Variants in HECW1 observed in about 807,000 individuals in gnomAD.
HECW1 encodes the protein HECT, C2 and WW domain containing E3 ubiquitin protein ligase 1.
HECW1 carries 61 observed loss-of-function variants against 182.3 expected under a neutral mutation model. That is an observed-to-expected ratio of 0.33 (90% CI 0.27 to 0.41). The LOEUF (loss-of-function observed/expected upper bound fraction) is 0.41. HECW1 is among the 10% of genes least tolerant of loss of function. The pLI is 1.00. For missense variants in HECW1, 1,739 were observed against 2,108.9 expected (o/e 0.82, Z 3.44); for synonymous variants, 859 against 832.6 (o/e 1.03, Z -0.55).
At chr7:43,257,563 A>T (rs1800708259) in intron 3 of HECW1, among the ~76,000 whole-genome samples, 4 of 152,142 alleles carry the variant, frequency 2.6e-5, no homozygotes, top group Non-Finnish European at 5.9e-5. Flanking sequence ...AGAGGAGGTG[A>T]AAAACCAAAA....
chr7:43,476,199 A>G (rs544359571), intron 16 of HECW1, among the ~76,000 whole-genome samples: 1 of 152,316 alleles, frequency 6.6e-6, no homozygotes, highest in Non-Finnish European at 1.5e-5. Flanking sequence ...CAAAAAGTAA[A>G]TACACAAATA....
intron 3 of HECW1, among the ~76,000 whole-genome samples, chr7:43,282,685 C>CA (rs1216578685): frequency 6.6e-6 from 1 of 152,122 alleles, no homozygotes; most frequent in Non-Finnish European, 1.5e-5. Flanking sequence ...TGATTTTAAA[C>CA]ACTTTCAATA....
intron 3 of HECW1, among the ~76,000 whole-genome samples, chr7:43,307,086 C>CA (rs1295053085): frequency 1.3e-5 from 2 of 151,938 alleles, no homozygotes; most frequent in Non-Finnish European, 2.9e-5. Context: ...AAACCAAAAA[C>CA]AAAAAAACCA....
intron 24 of HECW1, among the ~76,000 whole-genome samples, chr7:43,535,683 C>G (rs779884612): frequency 6.6e-6 from 1 of 152,148 alleles, no homozygotes; most frequent in African/African-American, 2.4e-5. Context: ...TTGCATGTAT[C>G]GAGGGTGTCC....
At chr7:43,269,481 A>G (rs953539547) in intron 3 of HECW1, among the ~76,000 whole-genome samples, 5 of 152,216 alleles carry the variant, frequency 3.3e-5, no homozygotes, top group African/African-American at 1.2e-4. Context: ...ATAACACTCT[A>G]TTGTCGGAAC....
Position 43,564,477 on chromosome 7 carries a change from A to T in HECW1, c.*2551A>T, listed in dbSNP as rs2082284395. 1 of 188,084 alleles carries T rather than the reference A, an allele frequency of 5.3e-6. No individual in the cohort carries two copies. The highest frequency in any genetic ancestry group is 2.3e-5 in the African/African-American group (1 of 42,854). 11.7% of individuals were successfully genotyped at this position (188,084 alleles called of 1,614,324 possible). A position where few individuals can be genotyped will look rare whatever the true frequency, so the allele number is the denominator to read the frequency against. ...TAGATAGGTAACTTTGGCATACATG[A>T]TTTTTCAACTACCGTTTCCTTATCC... On this transcript the variant is annotated 3_prime_UTR_variant, in exon 30 of 30. Coordinates refer to ENST00000395891, the MANE Select transcript of HECW1 (RefSeq NM_015052.5).
intron 2 of HECW1, among the ~76,000 whole-genome samples, chr7:43,191,726 G>A (rs112620860): frequency 3.3e-5 from 5 of 152,230 alleles, no homozygotes; most frequent in African/African-American, 1.2e-4. Context: ...AACTCACTAT[G>A]TATGCTTTTA....
intron 16 of HECW1, 79 bp downstream of exon 16, chr7:43,469,184 G>A: frequency 7.0e-7 from 1 of 1,421,466 alleles, no homozygotes; most frequent in Non-Finnish European, 9.8e-7. Context: ...GTGAGGAGGA[G>A]AGTGTGGGGA....
chr7:43,471,666 G>T (rs147528280), intron 16 of HECW1, among the ~76,000 whole-genome samples: 29 of 152,304 alleles, frequency 1.9e-4, no homozygotes, highest in African/African-American at 5.8e-4. Flanking sequence ...TATAGAGATT[G>T]CATGTGTGCC....
At chr7:43,557,552 G>A (rs1220506577) in intron 29 of HECW1, among the ~76,000 whole-genome samples, 2 of 152,210 alleles carry the variant, frequency 1.3e-5, no homozygotes, top group Non-Finnish European at 1.5e-5. Flanking sequence ...GGAACTGGGG[G>A]CTTGGGTGTT....
At chr7:43,306,495 AG>A (rs1421084315) in intron 3 of HECW1, among the ~76,000 whole-genome samples, 1 of 152,194 alleles carries the variant, frequency 6.6e-6, no homozygotes, top group Non-Finnish European at 1.5e-5. Context: ...GGACTAAAAA[AG>A]TATTACGTTC....
rs981789664 is a variant in HECW1 at position 43,555,772 on chromosome 7, T to G, written c.4709+982T>G. Among the ~76,000 whole-genome samples the G allele has an allele frequency of 2.0e-5, 3 of 152,210 alleles. No homozygotes were observed. In the East Asian group the frequency reaches 5.8e-4, roughly 29 times the overall value. On this transcript the variant is annotated intron_variant, in intron 29 of 29. Transcript: ENST00000395891. ...CCCTGGTGCAGGCTTCAGCCCTGGC[T>G]TCACCCACTCAGTTCAGCAGACCCT...
chr7:43,427,557 G>A (rs538375334), intron 8 of HECW1, among the ~76,000 whole-genome samples: 32 of 152,226 alleles, frequency 2.1e-4, no homozygotes, highest in Admixed American at 6.5e-4. Flanking sequence ...AGACTACTGC[G>A]TTAGGTTTCT....
At chr7:43,272,166 A>G (rs1263387977) in intron 3 of HECW1, among the ~76,000 whole-genome samples, 1 of 152,068 alleles carries the variant, frequency 6.6e-6, no homozygotes, top group African/African-American at 2.4e-5. Context: ...CTGAATCCCT[A>G]TCTCTCACCA....
intron 3 of HECW1, chr7:43,274,285 C>T (rs1176538284): frequency 9.8e-6 from 10 of 1,022,688 alleles, no homozygotes; most frequent in Admixed American, 2.4e-5. Flanking sequence ...CGCCAAGTCC[C>T]GCTTCTGGTA....
intron 26 of HECW1, among the ~76,000 whole-genome samples, chr7:43,547,823 G>C (rs2081624003): frequency 3.9e-5 from 6 of 152,130 alleles, no homozygotes; most frequent in African/African-American, 1.4e-4. Context: ...ATCATTAGTG[G>C]CCCTTCGTGT....
intron 8 of HECW1, among the ~76,000 whole-genome samples, chr7:43,431,381 G>A (rs11982177): frequency 0.018 from 2,726 of 152,146 alleles, 84 homozygotes; most frequent in African/African-American, 0.063. Context: ...CCTCCCACAT[G>A]CCCTCAATCT....
At chr7:43,400,565 G>T (rs1163702509) in intron 7 of HECW1, among the ~76,000 whole-genome samples, 2 of 152,136 alleles carry the variant, frequency 1.3e-5, no homozygotes, top group East Asian at 3.9e-4. Context: ...ACCTACTAAA[G>T]AGAAGTAAAA....
intron 3 of HECW1, among the ~76,000 whole-genome samples, chr7:43,244,847 A>G (rs571325218): frequency 1.3e-5 from 2 of 152,360 alleles, no homozygotes; most frequent in South Asian, 2.1e-4. Flanking sequence ...GCACATCCAC[A>G]TGCATATTCA....
Sources: gnomAD v4.1 joint callset for allele counts (sites outside exome capture counted in the v4.1 genomes callset) on GRCh38, gnomAD v4.1.1 for gene constraint, MANE v1.5 for transcripts, NCBI Gene and HGNC (gene_info 2026-07-23, HGNC 2026-07-21) for gene names.